Variants in MAP2K5 observed in about 807,000 individuals in gnomAD.
MAP2K5 encodes dual specificity mitogen-activated protein kinase kinase 5.
A neutral mutation model predicts 83.1 loss-of-function variants in MAP2K5; 49 were observed. The observed-to-expected ratio is 0.59, with a 90% CI of 0.47 to 0.75. The LOEUF (loss-of-function observed/expected upper bound fraction) is 0.75, where lower values mean the gene tolerates loss of function less well. Ranked by LOEUF, MAP2K5 falls within the 30% of genes least tolerant of loss-of-function variation. MAP2K5 has a pLI of 0.00. For synonymous variants in MAP2K5, 202 were observed against 191.8 expected, an observed-to-expected ratio of 1.05 and a Z score of -0.44; for missense variants, 457 against 557.5, an observed-to-expected ratio of 0.82 and a Z score of 1.82.
intron 15 of MAP2K5, among the ~76,000 whole-genome samples, chr15:67,699,289 A>G (rs2088350037): frequency 6.6e-6 from 1 of 152,164 alleles, no homozygotes; most frequent in Admixed American, 6.5e-5. Flanking sequence ...AATCACAGTC[A>G]GGCAAGAGGG....
At chr15:67,700,520 A>G (rs1392953620) in intron 15 of MAP2K5, among the ~76,000 whole-genome samples, 1 of 152,142 alleles carries the variant, frequency 6.6e-6, no homozygotes, top group Non-Finnish European at 1.5e-5. Flanking sequence ...GGTACCTGGT[A>G]GTTGGTTTTG....
intron 3 of MAP2K5, among the ~76,000 whole-genome samples, chr15:67,568,883 G>A (rs1016344938): frequency 6.6e-6 from 1 of 151,714 alleles, no homozygotes; most frequent in Non-Finnish European, 1.5e-5. Flanking sequence ...GCATGCGCCT[G>A]TAGTCCCAGC....
chr15:67,578,584 G>A (rs563316704), intron 3 of MAP2K5, among the ~76,000 whole-genome samples: 3 of 151,972 alleles, frequency 2.0e-5, no homozygotes, highest in South Asian at 4.2e-4. Context: ...CTAACTACTC[G>A]CTTTAGAGAA....
intron 13 of MAP2K5, among the ~76,000 whole-genome samples, chr15:67,686,642 T>TAATAATAATAATAATAAC (rs869154734): frequency 1.8e-4 from 23 of 124,946 alleles, no homozygotes; most frequent in African/African-American, 6.8e-4. Flanking sequence ...ATAATAATAA[T>TAATAATAATAATAATAAC]AACATGTTGT....
intron 8 of MAP2K5, among the ~76,000 whole-genome samples, chr15:67,605,847 G>C (rs74023018): frequency 0.085 from 12,932 of 152,166 alleles, 649 homozygotes; most frequent in East Asian, 0.12. Flanking sequence ...TCTTTCATTG[G>C]ATCTTCCTCA....
intron 21 of MAP2K5, among the ~76,000 whole-genome samples, chr15:67,792,745 G>GC (rs891409088): frequency 1.3e-5 from 2 of 151,972 alleles, no homozygotes; most frequent in African/African-American, 2.4e-5. Context: ...TTTCTTTTCC[G>GC]CCCCCCGCTT....
chr15:67,614,505 C>T (rs2086009125), intron 8 of MAP2K5, among the ~76,000 whole-genome samples: 1 of 152,152 alleles, frequency 6.6e-6, no homozygotes, highest in South Asian at 2.1e-4. Flanking sequence ...CATATATTGC[C>T]TAACAATTCC....
In MAP2K5 at chr15:67,644,421, A is replaced by G. The variant is rs955315222; in HGVS notation, c.586-1810A>G. On this transcript the variant is annotated intron_variant, in intron 9 of 21. Transcript: ENST00000178640. The surrounding 1 kb of genome is among the most constrained non-coding windows in gnomAD (Gnocchi z 4.6). ...AATAAATAAATAAATAAATAAAACA[A>G]TTACTCTTGAATTAGTTTCACTGAC... is the stretch of plus-strand genomic sequence containing the variant. Among the ~76,000 whole-genome samples, 1 of 151,952 alleles carries G rather than the reference A, an allele frequency of 6.6e-6. No individual in the cohort carries two copies. The highest frequency in any genetic ancestry group is 2.4e-5 in the African/African-American group (1 of 41,384).
In MAP2K5 at chr15:67,584,120, C is replaced by G. The variant is rs149018380; in HGVS notation, c.323-1770C>G. ...TTGCCTTGGATAGTAACTCCCAGGT[C>G]ATGGCTAAGTCCTCTACATTGTTAA... On this transcript the variant is annotated intron_variant, in intron 4 of 21. Coordinates refer to ENST00000178640, the MANE Select transcript of MAP2K5 (RefSeq NM_145160.3). Among the ~76,000 whole-genome samples the G allele has an allele frequency of 1.4e-4, 22 of 152,236 alleles. No homozygotes were observed. The East Asian group carries it at 2.1e-3, about 15-fold the overall frequency.
At position 67,676,297 on chromosome 15, in the gene MAP2K5, A is replaced by C. The variant is rs2087682594; in HGVS notation, c.847+11652A>C. Among the ~76,000 whole-genome samples the C allele has an allele frequency of 6.6e-6, 1 of 152,206 alleles. No individual in the cohort carries two copies. Among genetic ancestry groups the C allele is most frequent in the South Asian group, 2.1e-4 (1 of 4,832 alleles). The stretch of plus-strand genomic sequence containing the variant: ...GAGTTTATGGCATTGATTGTATGCC[A>C]GTGGATATTTGTTGGATGAATACAT... On this transcript the variant is annotated intron_variant, in intron 13 of 21. Transcript: ENST00000178640. This position sits in a 1 kb window ranked among gnomAD's most constrained non-coding sequence, Gnocchi z 4.8.
intron 21 of MAP2K5, among the ~76,000 whole-genome samples, chr15:67,803,172 G>T (rs1451321202): frequency 6.6e-6 from 1 of 152,252 alleles, no homozygotes; most frequent in Admixed American, 6.5e-5. Context: ...GTCCAAGTCA[G>T]TCCCTTGCAG....
At chr15:67,685,896 A>G (rs1363156352) in intron 13 of MAP2K5, among the ~76,000 whole-genome samples, 1 of 152,270 alleles carries the variant, frequency 6.6e-6, no homozygotes, top group Non-Finnish European at 1.5e-5. Context: ...CATGTGGCCT[A>G]TCATTGCATT....
Position 67,580,792 on chromosome 15 carries a change from G to A in MAP2K5, c.291G>A (p.Gln97=), listed in dbSNP as rs1405362808. 6.2e-7 allele frequency: 1 copy of A among 1,609,276 alleles called. No homozygotes were observed. The highest frequency in any genetic ancestry group is 1.1e-5 in the South Asian group (1 of 90,966). Residue 97 remains glutamine (Q), a synonymous_variant, in exon 4 of 22, where the codon CAG becomes CAA. Coordinates refer to ENST00000178640, the MANE Select transcript of MAP2K5 (RefSeq NM_145160.3). ...TAATGGAACAGCAAGTAAATGGACAGTTAATAGAGCCTCTGCAGATATTTC... is the reference window on the plus strand; with the variant it reads ...TAATGGAACAGCAAGTAAATGGACAATTAATAGAGCCTCTGCAGATATTTC... ...STVMEQQVNG[Q]LIEPLQIFPR... is the part of the protein sequence containing the mutation.
chr15:67,574,086 A>G (rs1272655576), intron 3 of MAP2K5, among the ~76,000 whole-genome samples: 1 of 152,184 alleles, frequency 6.6e-6, no homozygotes, highest in Non-Finnish European at 1.5e-5. Flanking sequence ...CTGGCACGAC[A>G]TCCAAGAACC....
intron 21 of MAP2K5, 84 bp downstream of exon 21, chr15:67,772,836 T>C: frequency 5.1e-6 from 6 of 1,176,962 alleles, no homozygotes; most frequent in Non-Finnish European, 4.9e-6. Flanking sequence ...GAATGGAATT[T>C]GAAACAGCCA....
intron 8 of MAP2K5, chr15:67,628,702 G>A (rs1266593880): frequency 5.9e-6 from 5 of 847,100 alleles, no homozygotes; most frequent in Non-Finnish European, 1.0e-5. Flanking sequence ...GTGAAGTTAG[G>A]AAAGCCCTGT....
intron 16 of MAP2K5, among the ~76,000 whole-genome samples, chr15:67,714,436 A>C (rs2088781116): frequency 7.0e-6 from 1 of 143,032 alleles, no homozygotes; most frequent in Non-Finnish European, 1.5e-5. Flanking sequence ...AAAAAAAAAA[A>C]AAAAAAAAAA....
chr15:67,744,904 T>C (rs1355478040), intron 17 of MAP2K5, among the ~76,000 whole-genome samples: 2 of 152,218 alleles, frequency 1.3e-5, no homozygotes, highest in African/African-American at 4.8e-5. Flanking sequence ...AACTGGTACT[T>C]GTGGCTGCCT....
chr15:67,568,679 T>C (rs2084890117), intron 3 of MAP2K5, among the ~76,000 whole-genome samples: 1 of 152,050 alleles, frequency 6.6e-6, no homozygotes, highest in African/African-American at 2.4e-5. Context: ...ATTACCAAAA[T>C]GTCACTGTAC....
Sources: gnomAD v4.1 joint callset for allele counts (sites outside exome capture counted in the v4.1 genomes callset) on GRCh38, gnomAD v4.1.1 for gene constraint, Gnocchi (gnomAD v3.1) non-coding constraint, MANE v1.5 for transcripts, NCBI Gene and HGNC (gene_info 2026-07-23, HGNC 2026-07-21) for gene names.